The following RCN1 variants were observed in gnomAD, a reference collection of about 807,000 sequenced individuals.
RCN1 encodes the protein reticulocalbin 1.
A neutral mutation model predicts 34.7 loss-of-function variants in RCN1; 14 were observed. That is an observed-to-expected ratio of 0.40 (90% CI 0.27 to 0.63). The LOEUF (loss-of-function observed/expected upper bound fraction) is 0.63. Among genes scored for constraint, RCN1 ranks in the 30% least tolerant of loss-of-function variants. The probability of loss-of-function intolerance (pLI) is 0.37; values close to 1 mark genes in which losing one functional copy is unlikely to be tolerated. For synonymous variants in RCN1, 125 were observed against 165.5 expected (o/e 0.76, Z 1.88); for missense variants, 326 against 425.1 (o/e 0.77, Z 2.05).
chr11:32,099,199 T>G (rs1009543234), intron 3 of RCN1, among the ~76,000 whole-genome samples: 3 of 151,944 alleles, frequency 2.0e-5, no homozygotes, highest in African/African-American at 7.3e-5. Context: ...CATGTGCCTG[T>G]AATCCCAGCT....
chr11:32,101,077 C>T (rs902064873), intron 4 of RCN1, among the ~76,000 whole-genome samples: 13 of 152,206 alleles, frequency 8.5e-5, no homozygotes, highest in Admixed American at 1.3e-4. Flanking sequence ...AGGCATTCTT[C>T]TTAGAAAGAT....
chr11:32,094,101 G>A (rs1851946843), intron 1 of RCN1, among the ~76,000 whole-genome samples: 1 of 152,154 alleles, frequency 6.6e-6, no homozygotes, highest in South Asian at 2.1e-4. Flanking sequence ...GGAAATTATG[G>A]GTCCTGTTTG....
At chr11:32,095,043 T>C (rs1287531865) in intron 1 of RCN1, among the ~76,000 whole-genome samples, 2 of 152,076 alleles carry the variant, frequency 1.3e-5, no homozygotes, top group East Asian at 3.9e-4. Flanking sequence ...GATTGTAGAG[T>C]CTGATGTCAT....
At chr11:32,096,808 T>C (rs1052788510) in intron 1 of RCN1, 1 of 221,624 alleles carries the variant, frequency 4.5e-6, no homozygotes, top group Non-Finnish European at 8.8e-6. Context: ...ATAGGTTTCA[T>C]CTTACAGATC....
chr11:32,098,565 A>G (rs1171937419), intron 3 of RCN1, 37 bp downstream of exon 3: 1 of 1,518,472 alleles, frequency 6.6e-7, no homozygotes, highest in Non-Finnish European at 8.9e-7. Flanking sequence ...GGAAGAGACC[A>G]GGGAGAAAAC....
intron 1 of RCN1, 25 bp from the exon 2 acceptor site, chr11:32,097,119 C>CTT (rs374577571): frequency 0.088 from 112,752 of 1,284,396 alleles, 1,311 homozygotes; most frequent in East Asian, 0.17. Context: ...GTGTGGGTTT[C>CTT]TTTTTTTTTT....
intron 4 of RCN1, among the ~76,000 whole-genome samples, chr11:32,101,505 C>G (rs118151555): frequency 0.012 from 1,899 of 152,270 alleles, 21 homozygotes; most frequent in East Asian, 0.025. Flanking sequence ...AAACTCAGAG[C>G]CTGAGTTGCT....
At chr11:32,100,653 A>T in intron 4 of RCN1, 45 bp downstream of exon 4, 1 of 1,479,730 alleles carries the variant, frequency 6.8e-7, no homozygotes, top group Non-Finnish European at 9.4e-7. Context: ...TGACTGGGCC[A>T]CATGACCCCA....
rs1275608739 is a variant in RCN1 at position 32,097,251 on chromosome 11, C to T, written c.362C>T (p.Ala121Val). The T allele has an allele frequency of 6.2e-7, 1 of 1,607,594 alleles. No individual in the cohort carries two copies. Among genetic ancestry groups the T allele is most frequent in the South Asian group, 1.1e-5 (1 of 89,392 alleles). Residue 121 changes from alanine (A) to valine (V), a missense_variant, in exon 2 of 6, where the codon GCC becomes GTC. Ala to Val is a moderately conservative substitution (Grantham distance 64). Transcript: ENST00000054950. ...VQKRYIFDNV[A>V]KVWKDYDRDK... ...AAAAGATACATCTTTGATAATGTCG[C>T]CAAAGTCTGGAAGGATTATGATAGG...
intron 1 of RCN1, among the ~76,000 whole-genome samples, chr11:32,093,495 G>C (rs913590504): frequency 6.6e-6 from 1 of 152,226 alleles, no homozygotes; most frequent in African/African-American, 2.4e-5. Context: ...CAAGGCTGCA[G>C]GTTAGAGAGA....
chr11:32,100,428 G>A (rs565454958), intron 3 of RCN1, 120 bp from the exon 4 acceptor site: 41 of 771,218 alleles, frequency 5.3e-5, no homozygotes, highest in African/African-American at 4.1e-4. Flanking sequence ...GAAGTAAGGC[G>A]ATGAGCCAGA....
intron 1 of RCN1, among the ~76,000 whole-genome samples, chr11:32,092,625 G>A (rs1003818851): frequency 2.6e-5 from 4 of 152,156 alleles, no homozygotes; most frequent in Admixed American, 1.3e-4. Context: ...GTCCCCTGAG[G>A]AAACACTTGG....
At chr11:32,097,371 G>T in intron 2 of RCN1, 34 bp downstream of exon 2, 1 of 1,469,890 alleles carries the variant, frequency 6.8e-7, no homozygotes, top group South Asian at 1.5e-5. Context: ...GACACAGTGG[G>T]GGCCCAGATC....
chr11:32,095,017 C>T (rs1040717242), intron 1 of RCN1, among the ~76,000 whole-genome samples: 2 of 152,182 alleles, frequency 1.3e-5, no homozygotes, highest in Non-Finnish European at 1.5e-5. Flanking sequence ...TAGATGCTGT[C>T]CTTTCCACAA....
rs1006325565 is a variant in RCN1, at chr11:32,091,321, A to G, written c.125A>G (p.Asp42Gly). Residue 42 changes from aspartate to glycine, a missense_variant, in exon 1 of 6, where the codon GAC becomes GGC. By Grantham distance (94) the Asp-to-Gly change is moderately conservative. Transcript: ENST00000054950. Reference protein sequence around the residue: ...TVRKERVVRPDSELGERPPED... With the variant: ...TVRKERVVRPGSELGERPPED... Reference sequence around the variant, plus strand: ...CGCAAAGAGCGCGTGGTGCGGCCCGACTCGGAGCTGGGCGAGCGGCCCCCT... The same window carrying G: ...CGCAAAGAGCGCGTGGTGCGGCCCGGCTCGGAGCTGGGCGAGCGGCCCCCT... 2 of 1,547,600 alleles carry G rather than the reference A, an allele frequency of 1.3e-6. No individual in the cohort carries two copies. The highest frequency in any genetic ancestry group is 1.7e-6 in the Non-Finnish European group (2 of 1,146,210).
At chr11:32,100,921 A>G (rs1852030224) in intron 4 of RCN1, among the ~76,000 whole-genome samples, 2 of 152,184 alleles carry the variant, frequency 1.3e-5, no homozygotes, top group South Asian at 4.1e-4. Flanking sequence ...AGGACATTGG[A>G]GATCCCATAG....
In RCN1 at chr11:32,091,272, G is replaced by T; in HGVS notation, c.76G>T (p.Val26Phe). 1 of 1,539,326 alleles carries T rather than the reference G, an allele frequency of 6.5e-7. No individual in the cohort carries two copies. Among genetic ancestry groups the T allele is most frequent in the Non-Finnish European group, 8.8e-7 (1 of 1,142,502 alleles). Reference sequence around the variant, plus strand: ...GCTGGCGCTGGTGCTGGCGCCGCGGGTTCTGCGGGCCAAGCCCACGGTGCG... The same window carrying T: ...GCTGGCGCTGGTGCTGGCGCCGCGGTTTCTGCGGGCCAAGCCCACGGTGCG... ...LLLALVLAPR[V>F]LRAKPTVRKE... The change falls in exon 1 of 6, where the codon GTT becomes TTT. Residue 26 changes from valine to phenylalanine, a missense_variant. By Grantham distance (50) the Val-to-Phe change is conservative. Transcript: ENST00000054950.
Position 32,100,601 on chromosome 11 carries a change from G to A in RCN1, c.681G>A (p.Glu227=), listed in dbSNP as rs768397681. 3 of 1,613,790 alleles carry A rather than the reference G, an allele frequency of 1.9e-6. No individual in the cohort carries two copies. The highest frequency in any genetic ancestry group is 2.2e-5 in the South Asian group (2 of 91,068). Residue 227 remains glutamate (E), a synonymous_variant, in exon 4 of 6, where the codon GAG becomes GAA. Coordinates refer to ENST00000054950, the MANE Select transcript of RCN1 (RefSeq NM_002901.4). ...KNGDGFVDQD[E]YIADMFSHEE... ...GGGATGGGTTTGTGGATCAGGATGAGTATATTGGTGAGTACTGACCTAGAG... is the reference window on the plus strand; with the variant it reads ...GGGATGGGTTTGTGGATCAGGATGAATATATTGGTGAGTACTGACCTAGAG...
chr11:32,091,335 G>A lies in RCN1; in HGVS notation c.139G>A (p.Glu47Lys), dbSNP rs1464573893. 5.8e-6 allele frequency: 9 copies of A among 1,548,272 alleles called. No homozygotes were observed. In the East Asian group the frequency reaches 9.8e-5, roughly 17 times the overall value. Residue 47 changes from glutamate to lysine, a missense_variant, in exon 1 of 6, where the codon GAG becomes AAG. Glu to Lys is a moderately conservative substitution (Grantham distance 56). Transcript: ENST00000054950. ...RVVRPDSELG[E>K]RPPEDNQSFQ... The stretch of plus-strand genomic sequence containing the variant: ...GGTGCGGCCCGACTCGGAGCTGGGC[G>A]AGCGGCCCCCTGAGGACAACCAGAG...
Sources: gnomAD v4.1 joint callset for allele counts (sites outside exome capture counted in the v4.1 genomes callset) on GRCh38, gnomAD v4.1.1 for gene constraint, MANE v1.5 for transcripts, NCBI Gene and HGNC (gene_info 2026-07-23, HGNC 2026-07-21) for gene names.